Variants in SYNRG observed in about 807,000 individuals in gnomAD.
SYNRG encodes AP1 gamma subunit binding protein 1.
Under a neutral mutation model 130.9 loss-of-function variants are expected in SYNRG, and 37 were observed. That is an observed-to-expected ratio of 0.28 (90% CI 0.22 to 0.37). The LOEUF is 0.37. SYNRG is among the 10% of genes least tolerant of loss of function. The pLI, the probability that SYNRG is intolerant of heterozygous loss-of-function variation, is 1.00. For missense variants in SYNRG, 1,338 were observed against 1,588.9 expected (o/e 0.84, Z 2.68); for synonymous variants, 539 against 568.1 (o/e 0.95, Z 0.73).
intron 13 of SYNRG, 151 bp downstream of exon 13, chr17:37,561,044 A>G (rs1261651694): frequency 2.9e-6 from 2 of 683,912 alleles, no homozygotes; most frequent in Admixed American, 2.8e-5. Context: ...TCACTACTAT[A>G]CCATATTGTT....
intron 18 of SYNRG, among the ~76,000 whole-genome samples, chr17:37,537,942 T>C (rs2057367033): frequency 6.6e-6 from 1 of 152,226 alleles, no homozygotes; most frequent in South Asian, 2.1e-4. Flanking sequence ...TTGCTGCAGA[T>C]GGCCAGGAGG....
chr17:37,552,146 T>C (rs1348933596), intron 14 of SYNRG, among the ~76,000 whole-genome samples: 2 of 152,220 alleles, frequency 1.3e-5, no homozygotes, highest in African/African-American at 2.4e-5. Context: ...AACTTGGAAG[T>C]GTCTCACGTG....
chr17:37,537,081 G>A (rs1324686164), intron 18 of SYNRG: 1 of 152,236 alleles, frequency 6.6e-6, no homozygotes, highest in Non-Finnish European at 1.5e-5. Context: ...GAAAAGACAG[G>A]TGCCCCATTT....
chr17:37,594,548 T>C (rs1323335298), intron 3 of SYNRG, among the ~76,000 whole-genome samples: 2 of 150,374 alleles, frequency 1.3e-5, no homozygotes, highest in Non-Finnish European at 3.0e-5. Context: ...CTGCAACCTC[T>C]GCCTCCTGGG....
At chr17:37,570,285 G>A (rs1164601312) in intron 10 of SYNRG, among the ~76,000 whole-genome samples, 1 of 151,698 alleles carries the variant, frequency 6.6e-6, no homozygotes, top group Non-Finnish European at 1.5e-5. Flanking sequence ...CAGGGTAGCT[G>A]GGACTACAGG....
intron 19 of SYNRG, among the ~76,000 whole-genome samples, chr17:37,534,302 A>G (rs986250885): frequency 2.0e-5 from 3 of 152,056 alleles, no homozygotes; most frequent in African/African-American, 7.2e-5. Context: ...ATTTTTGCCA[A>G]ATGCAATACA....
At chr17:37,595,801 C>CTGGA (rs2062716611) in intron 3 of SYNRG, among the ~76,000 whole-genome samples, 1 of 147,664 alleles carries the variant, frequency 6.8e-6, no homozygotes, top group African/African-American at 2.5e-5. Context: ...GTTGCCCAGG[C>CTGGA]TGGAGTACAG....
intron 19 of SYNRG, among the ~76,000 whole-genome samples, chr17:37,522,580 G>A (rs938583173): frequency 2.7e-5 from 4 of 149,968 alleles, no homozygotes; most frequent in Non-Finnish European, 3.0e-5. Flanking sequence ...CAATCCTCCC[G>A]CCTCAGCCTC....
rs1243326165 is a variant in SYNRG, at chr17:37,516,654, T to G, written c.*2286A>C. 6.7e-6 allele frequency: 1 copy of G among 149,588 alleles called. No individual in the cohort carries two copies. Among genetic ancestry groups the G allele is most frequent in the Non-Finnish European group, 1.5e-5 (1 of 67,426 alleles). 9.3% of individuals were successfully genotyped at this position (149,588 alleles called of 1,614,324 possible). On this transcript the variant is annotated 3_prime_UTR_variant, in exon 22 of 22. Transcript: ENST00000612223. ...ATGCTTCAGCAATACAAATTCAAAC[T>G]GGGAAACTTTTTTTTTTTTTTTTTT...
At chr17:37,569,226 A>C (rs1298968697) in intron 10 of SYNRG, among the ~76,000 whole-genome samples, 1 of 152,242 alleles carries the variant, frequency 6.6e-6, no homozygotes, top group East Asian at 1.9e-4. Context: ...TCTGGCTAAC[A>C]TGGCGAAACG....
At chr17:37,558,447 G>A (rs769660244) in intron 13 of SYNRG, among the ~76,000 whole-genome samples, 14 of 152,186 alleles carry the variant, frequency 9.2e-5, no homozygotes, top group Non-Finnish European at 1.3e-4. Flanking sequence ...AAGCTTTGCA[G>A]AACATAATTT....
At chr17:37,588,017 C>T (rs1349891279) in intron 3 of SYNRG, among the ~76,000 whole-genome samples, 1 of 152,074 alleles carries the variant, frequency 6.6e-6, no homozygotes, top group Non-Finnish European at 1.5e-5. Context: ...AATTTTGCCA[C>T]TTTTCTCATG....
At position 37,561,262 on chromosome 17, in the gene SYNRG, G is replaced by C. The variant is rs535571343; in HGVS notation, c.1601-5C>G. On this transcript the variant is annotated splice_polypyrimidine_tract_variant and splice_region_variant and intron_variant, in intron 12 of 21. Transcript: ENST00000612223. Reference sequence around the variant, plus strand: ...CACTATATTTATCACCAGGATCTATGATAGAAAGGACAGAAGCTCAGTTAA... The same window carrying C: ...CACTATATTTATCACCAGGATCTATCATAGAAAGGACAGAAGCTCAGTTAA... The C allele has an allele frequency of 8.5e-5, 137 of 1,613,064 alleles. No homozygotes were observed. Among genetic ancestry groups the C allele is most frequent in the Non-Finnish European group, 1.1e-4 (129 of 1,179,586 alleles).
At chr17:37,531,469 A>G (rs1224360527) in intron 19 of SYNRG, among the ~76,000 whole-genome samples, 5 of 152,162 alleles carry the variant, frequency 3.3e-5, no homozygotes, top group African/African-American at 1.2e-4. Context: ...AAAAACTAAA[A>G]GAATATTTAA....
chr17:37,605,407 C>T (rs2063663896), intron 1 of SYNRG, among the ~76,000 whole-genome samples: 1 of 152,218 alleles, frequency 6.6e-6, no homozygotes, highest in South Asian at 2.1e-4. Context: ...TCTGTGCAAT[C>T]TCCTTTACCC....
chr17:37,541,426 C>A (rs779669639), intron 15 of SYNRG: 1 of 193,722 alleles, frequency 5.2e-6, no homozygotes, highest in Non-Finnish European at 9.5e-6. Context: ...GCTCCAGCTG[C>A]CAACATATGG....
intron 4 of SYNRG, among the ~76,000 whole-genome samples, chr17:37,586,060 CACGGCTGACTGCAGCCTCA>C (rs1178902933): frequency 2.8e-4 from 42 of 152,244 alleles, no homozygotes; most frequent in Admixed American, 1.5e-3. Context: ...GTGGCATGAT[CACGGCTGACTGCAGCCTCA>C]ACCTCGGGGC....
rs752273815 is a variant in SYNRG at position 37,553,478 on chromosome 17, T to A, written c.2245A>T (p.Arg749Ter). ...CCAGACCCTTCCAGAGAAAGTTGTCTGAAGACATCGTACTTGGTAGACGCA... is the reference window on the plus strand; with the variant it reads ...CCAGACCCTTCCAGAGAAAGTTGTCAGAAGACATCGTACTTGGTAGACGCA... ...TAASTKYDVF[R>*]QLSLEGSGLG... Residue 749 changes from arginine to a stop codon, truncating the protein, a stop_gained, in exon 14 of 22, where the codon AGA (arginine) becomes TGA (stop). Transcript: ENST00000612223. LOFTEE classifies it high-confidence loss of function. 6.2e-7 allele frequency: 1 copy of A among 1,614,216 alleles called. No individual in the cohort carries two copies. The highest frequency in any genetic ancestry group is 1.7e-5 in the Admixed American group (1 of 60,020).
chr17:37,522,443 T>G (rs1452340537), intron 19 of SYNRG, among the ~76,000 whole-genome samples: 1 of 151,966 alleles, frequency 6.6e-6, no homozygotes, highest in Admixed American at 6.6e-5. Context: ...TGAGCCACTG[T>G]GCCCGGCCCC....
Sources: gnomAD v4.1 joint callset for allele counts (sites outside exome capture counted in the v4.1 genomes callset) on GRCh38, gnomAD v4.1.1 for gene constraint, MANE v1.5 for transcripts, NCBI Gene and HGNC (gene_info 2026-07-23, HGNC 2026-07-21) for gene names.